Variants in CASS4 observed in about 807,000 individuals in gnomAD.
CASS4 encodes cas scaffolding protein family member 4.
In CASS4, 22 loss-of-function variants were observed where a neutral mutation model predicts 54.2. The ratio of observed to expected loss-of-function variants is 0.41; its 90% CI spans 0.29 to 0.58. The LOEUF (loss-of-function observed/expected upper bound fraction) is 0.58, where lower values mean the gene tolerates loss of function less well. Among genes scored for constraint, CASS4 ranks in the 20% least tolerant of loss-of-function variants. The pLI is 0.36. For synonymous variants in CASS4, 409 were observed against 391.5 expected, an observed-to-expected ratio of 1.04 and a Z score of -0.53; for missense variants, 854 against 986.7, an observed-to-expected ratio of 0.87 and a Z score of 1.80.
rs944491850 is a variant in CASS4 at position 56,450,039 on chromosome 20, T to A, written c.562-560T>A. Among the ~76,000 whole-genome samples the A allele has an allele frequency of 2.0e-5, 3 of 151,906 alleles. No individual in the cohort carries two copies. The South Asian group carries it at 6.2e-4, about 31-fold the overall frequency. On this transcript the variant is annotated intron_variant, in intron 3 of 5. Transcript: ENST00000679887. ...ACCTTTGGTTGAGAGGTCTTTTTTT[T>A]TTTTTCTTTGAGATGGAGTTTCGCT...
chr20:56,421,820 T>G (rs1011768851), intron 1 of CASS4, among the ~76,000 whole-genome samples: 1 of 150,244 alleles, frequency 6.7e-6, no homozygotes, highest in Non-Finnish European at 1.5e-5. Flanking sequence ...CTTTCCTCAC[T>G]TTTTTCCTTA....
rs536708675 is a variant in CASS4, at chr20:56,447,138, G to A, written c.561+1137G>A. On this transcript the variant is annotated intron_variant, in intron 3 of 5. Transcript: ENST00000679887. The stretch of plus-strand genomic sequence containing the variant: ...TGGGAGAATCACTTGAACCTGGAAG[G>A]TGGAGGTTGCAATGAGCTGAGATCA... Among the ~76,000 whole-genome samples the A allele has an allele frequency of 2.6e-5, 4 of 151,486 alleles. No homozygotes were observed. The East Asian group carries it at 5.9e-4, about 22-fold the overall frequency.
chr20:56,429,741 C>T (rs574639200), intron 1 of CASS4, among the ~76,000 whole-genome samples: 12 of 152,258 alleles, frequency 7.9e-5, no homozygotes, highest in South Asian at 4.2e-4. Flanking sequence ...TTATCTAACT[C>T]CTCCTTACCC....
intron 1 of CASS4, among the ~76,000 whole-genome samples, chr20:56,418,217 C>G (rs992332780): frequency 6.6e-6 from 1 of 152,156 alleles, no homozygotes; most frequent in Non-Finnish European, 1.5e-5. Context: ...AAAGGCCACT[C>G]TGAACACCCA....
At chr20:56,451,049 G>A (rs1281254135) in intron 4 of CASS4, among the ~76,000 whole-genome samples, 1 of 151,532 alleles carries the variant, frequency 6.6e-6, no homozygotes, top group Admixed American at 6.6e-5. Flanking sequence ...AGAAAGAAAT[G>A]TTATTAGCTT....
chr20:56,449,541 C>G (rs558484946), intron 3 of CASS4, among the ~76,000 whole-genome samples: 2 of 152,154 alleles, frequency 1.3e-5, no homozygotes, highest in South Asian at 4.1e-4. Context: ...AGCACACCAA[C>G]ATGGCAGATG....
Position 56,437,603 on chromosome 20 carries a change from C to T in CASS4, c.459+17C>T, listed in dbSNP as rs16979923. The T allele has an allele frequency of 1.3e-6, 2 of 1,518,724 alleles. No homozygotes were observed. The highest frequency in any genetic ancestry group is 1.3e-5 in the South Asian group (1 of 75,974). The allele number at this position is 1,518,724 out of a possible 1,614,324, so 94.1% of individuals were successfully genotyped here. A position where few individuals can be genotyped will look rare whatever the true frequency, so the allele number is the denominator to read the frequency against. On this transcript the variant is annotated intron_variant, in intron 2 of 5. Transcript: ENST00000679887. The surrounding 1 kb of genome is among the most constrained non-coding windows in gnomAD (Gnocchi z 4.7). ...CCAAAACAGGTACGCATACTTCCAC[C>T]TACTAGACATGGGTTGAGGGGTATG... is the stretch of plus-strand genomic sequence containing the variant.
chr20:56,426,731 C>T (rs1263919515), intron 1 of CASS4, among the ~76,000 whole-genome samples: 1 of 152,100 alleles, frequency 6.6e-6, no homozygotes, highest in African/African-American at 2.4e-5. Context: ...GCATGTGCCA[C>T]CATGCCCAGA....
At chr20:56,438,223 G>A (rs1363737885) in intron 2 of CASS4, among the ~76,000 whole-genome samples, 2 of 151,934 alleles carry the variant, frequency 1.3e-5, no homozygotes, top group East Asian at 1.9e-4. Flanking sequence ...CCAGGAAGTC[G>A]AGGCTGCAGT....
At chr20:56,429,213 C>T (rs1198988926) in intron 1 of CASS4, among the ~76,000 whole-genome samples, 2 of 152,214 alleles carry the variant, frequency 1.3e-5, no homozygotes, top group African/African-American at 4.8e-5. Context: ...TCTTATACCA[C>T]CATGGATGAT....
intron 2 of CASS4, among the ~76,000 whole-genome samples, chr20:56,441,557 A>G (rs1980460210): frequency 6.6e-6 from 1 of 151,988 alleles, no homozygotes. Flanking sequence ...GTGAGCCGAG[A>G]TCACGCCACT....
At chr20:56,456,095 G>C (rs1467113983) in intron 5 of CASS4, among the ~76,000 whole-genome samples, 3 of 143,124 alleles carry the variant, frequency 2.1e-5, no homozygotes, top group African/African-American at 7.9e-5. Flanking sequence ...GAAAGCCCCC[G>C]CTTTAGACTG....
At chr20:56,428,681 C>T (rs117961040) in intron 1 of CASS4, among the ~76,000 whole-genome samples, 11 of 152,320 alleles carry the variant, frequency 7.2e-5, no homozygotes, top group Non-Finnish European at 1.6e-4. Context: ...TAAACCAGCT[C>T]TTTCTGGATT....
chr20:56,432,277 G>GT (rs970821720), intron 1 of CASS4, among the ~76,000 whole-genome samples: 5 of 134,510 alleles, frequency 3.7e-5, no homozygotes, highest in Admixed American at 7.5e-5. Flanking sequence ...TCAGATTATT[G>GT]TTTTTTACTG....
At chr20:56,429,747 T>C (rs1979817698) in intron 1 of CASS4, among the ~76,000 whole-genome samples, 1 of 152,118 alleles carries the variant, frequency 6.6e-6, no homozygotes. Context: ...AACTCCTCCT[T>C]ACCCCCAGAT....
At chr20:56,417,542 C>G (rs1979198861) in intron 1 of CASS4, among the ~76,000 whole-genome samples, 2 of 152,226 alleles carry the variant, frequency 1.3e-5, no homozygotes, top group African/African-American at 4.8e-5. Flanking sequence ...CTGTCTTCCT[C>G]TCTGGGAACG....
chr20:56,450,318 C>T (rs1980933012), intron 3 of CASS4, among the ~76,000 whole-genome samples: 1 of 152,168 alleles, frequency 6.6e-6, no homozygotes, highest in Non-Finnish European at 1.5e-5. Context: ...GCCACCACGC[C>T]CGGCTGAGAA....
intron 3 of CASS4, among the ~76,000 whole-genome samples, chr20:56,447,046 A>T (rs1236449296): frequency 1.3e-5 from 2 of 152,058 alleles, no homozygotes; most frequent in Non-Finnish European, 2.9e-5. Flanking sequence ...CGTCTCTCCT[A>T]AAAATACAAA....
chr20:56,451,667 A>C, intron 4 of CASS4, 152 bp from the exon 5 acceptor site: 1 of 635,408 alleles, frequency 1.6e-6, no homozygotes, highest in Non-Finnish European at 2.7e-6. Flanking sequence ...GTCGAAAGAA[A>C]TGAGGCTCAA....
Sources: allele counts gnomAD v4.1 joint callset (sites outside exome capture counted in the v4.1 genomes callset), GRCh38; gene constraint gnomAD v4.1.1; non-coding constraint Gnocchi (gnomAD v3.1); transcripts MANE v1.5; gene names NCBI Gene and HGNC (gene_info 2026-07-23, HGNC 2026-07-21).